Variants in GALNT8 observed in about 807,000 individuals in gnomAD.
GALNT8 encodes the protein probable polypeptide N-acetylgalactosaminyltransferase 8.
A neutral mutation model predicts 62.7 loss-of-function variants in GALNT8; 66 were observed. The observed-to-expected ratio is 1.05, with a 90% confidence interval of 0.86 to 1.29. The LOEUF is 1.29. Ranked by LOEUF, GALNT8 falls within the 50% of genes most tolerant of loss-of-function variation. The pLI is 0.00. For synonymous variants in GALNT8, 288 were observed against 294.3 expected (o/e 0.98, Z 0.22); for missense variants, 771 against 791.8 (o/e 0.97, Z 0.32).
At chr12:4,731,552 G>A (rs1439849123) in intron 2 of GALNT8, among the ~76,000 whole-genome samples, 2 of 152,100 alleles carry the variant, frequency 1.3e-5, no homozygotes, top group African/African-American at 2.4e-5. Context: ...GAGCATTCTT[G>A]TCTTGTTCCT....
rs1946314674 is a variant in GALNT8, at chr12:4,749,713, T to C, written c.1173+3455T>C. Among the ~76,000 whole-genome samples the C allele has an allele frequency of 6.6e-6, 1 of 152,124 alleles. No individual in the cohort carries two copies. Among genetic ancestry groups the C allele is most frequent in the South Asian group, 2.1e-4 (1 of 4,824 alleles). On this transcript the variant is annotated intron_variant, in intron 6 of 10. Coordinates refer to ENST00000252318, the MANE Select transcript of GALNT8 (RefSeq NM_017417.2). This position sits in a 1 kb window ranked among gnomAD's most constrained non-coding sequence, Gnocchi z 4.1. ...TTTGGAAATGTTCCCTCCTGTATTT[T>C]TTGGAAAAATTTAAGTAGGATTGGT... is the stretch of plus-strand genomic sequence containing the variant.
At chr12:4,721,562 A>G (rs1946169451) in intron 1 of GALNT8, among the ~76,000 whole-genome samples, 1 of 152,142 alleles carries the variant, frequency 6.6e-6, no homozygotes, top group South Asian at 2.1e-4. Context: ...ATACACATAA[A>G]CATCTCAATG....
rs1419098384 is a variant in GALNT8, at chr12:4,771,719, G to A, written c.1762-726G>A. On this transcript the variant is annotated intron_variant, in intron 10 of 10. Coordinates refer to ENST00000252318, the MANE Select transcript of GALNT8 (RefSeq NM_017417.2). Reference sequence around the variant, plus strand: ...TCATGTGAGTCCTGCAAAGGGTGGAGAGGGAACGTGGGAGAGAGAGGGCCG... The same window carrying A: ...TCATGTGAGTCCTGCAAAGGGTGGAAAGGGAACGTGGGAGAGAGAGGGCCG... Among the ~76,000 whole-genome samples, 19 of 152,284 alleles carry A rather than the reference G, an allele frequency of 1.2e-4. No homozygotes were observed. In the East Asian group the frequency reaches 3.7e-3, roughly 29 times the overall value.
chr12:4,736,860 A>G (rs1946247683), intron 2 of GALNT8, among the ~76,000 whole-genome samples: 1 of 152,166 alleles, frequency 6.6e-6, no homozygotes, highest in South Asian at 2.1e-4. Flanking sequence ...AAACAAAGCA[A>G]CAGACTTTAG....
At position 4,763,174 on chromosome 12, in the gene GALNT8, C is replaced by T. The variant is rs111564761; in HGVS notation, c.1360-79C>T. ...GACTCACATGCAGAAATATGGAGTC[C>T]TTCTCAGGCCATATTTAGTTCGCTT... On this transcript the variant is annotated intron_variant, in intron 7 of 10. Coordinates refer to ENST00000252318, the MANE Select transcript of GALNT8 (RefSeq NM_017417.2). The T allele has an allele frequency of 2.1e-3, 2,486 of 1,167,628 alleles. 38 individuals carry two copies. In the African/African-American group the frequency reaches 0.032, roughly 15 times the overall value. The allele number at this position is 1,167,628 out of a possible 1,614,324, so 72.3% of individuals were successfully genotyped here. A position where few individuals can be genotyped will look rare whatever the true frequency, so the allele number is the denominator to read the frequency against.
At chr12:4,747,994 G>C (rs1430730873) in intron 6 of GALNT8, among the ~76,000 whole-genome samples, 1 of 152,094 alleles carries the variant, frequency 6.6e-6, no homozygotes, top group African/African-American at 2.4e-5. Context: ...CTTTTCACAT[G>C]CCTCTTTGCC....
Position 4,761,043 on chromosome 12 carries a change from A to G in GALNT8, c.1259A>G (p.Asp420Gly). ...LERHHKPYAL[D>G]LTAALKRNAL... Reference sequence around the variant, plus strand: ...AGACACCACAAGCCCTACGCCTTGGATCTCACCGCTGCCTTGAAGCGCAAT... The same window carrying G: ...AGACACCACAAGCCCTACGCCTTGGGTCTCACCGCTGCCTTGAAGCGCAAT... Residue 420 changes from aspartate (D) to glycine (G), a missense_variant, in exon 7 of 11, where the codon GAT (aspartate) becomes GGT (glycine). By Grantham distance (94) the Asp-to-Gly change is moderately conservative (BLOSUM62 -1). Transcript: ENST00000252318. 3.1e-6 allele frequency: 5 copies of G among 1,613,964 alleles called. No homozygotes were observed. Among genetic ancestry groups the G allele is most frequent in the Non-Finnish European group, 4.2e-6 (5 of 1,179,960 alleles).
At chr12:4,736,464 A>G (rs1046089609) in intron 2 of GALNT8, among the ~76,000 whole-genome samples, 1 of 152,168 alleles carries the variant, frequency 6.6e-6, no homozygotes, top group Admixed American at 6.5e-5. Context: ...TGCAGCCTCC[A>G]TGCCACATAT....
rs568956924 is a variant in GALNT8, at chr12:4,749,906, G to A, written c.1173+3648G>A. On this transcript the variant is annotated intron_variant, in intron 6 of 10. Coordinates refer to ENST00000252318, the MANE Select transcript of GALNT8 (RefSeq NM_017417.2). This position sits in a 1 kb window ranked among gnomAD's most constrained non-coding sequence, Gnocchi z 4.1. Reference sequence around the variant, plus strand: ...TTCAATCTTGAACCAAGTTCAATGTGTCTAGGAATTTGTCCATTTCTTCTA... The same window carrying A: ...TTCAATCTTGAACCAAGTTCAATGTATCTAGGAATTTGTCCATTTCTTCTA... Among the ~76,000 whole-genome samples the A allele has an allele frequency of 1.3e-5, 2 of 152,164 alleles. No individual in the cohort carries two copies. The highest frequency in any genetic ancestry group is 3.4e-3 in the Middle Eastern group (1 of 294).
rs1015419258 is a variant in GALNT8 at position 4,765,376 on chromosome 12, T to A, written c.1594-3T>A. The A allele has an allele frequency of 4.6e-4, 498 of 1,077,134 alleles. 2 individuals are homozygous for A. The African/African-American group carries it at 9.4e-3, about 20-fold the overall frequency. 66.7% of individuals were successfully genotyped at this position (1,077,134 alleles called of 1,614,324 possible). A position where few individuals can be genotyped will look rare whatever the true frequency, so the allele number is the denominator to read the frequency against. ...GCTTTTTTTTTTTTTTTTTTTTTTT[T>A]AGAATGTCTACTATCACCTAACTGG... On this transcript the variant is annotated splice_region_variant and splice_polypyrimidine_tract_variant and intron_variant, in intron 9 of 10. Coordinates refer to ENST00000252318, the MANE Select transcript of GALNT8 (RefSeq NM_017417.2).
rs546330132 is a variant in GALNT8, at chr12:4,721,286, G to C, written c.211+398G>C. 1.7e-3 allele frequency among the ~76,000 whole-genome samples: 253 copies of C among 152,256 alleles called. 1 individual carries two copies. Among genetic ancestry groups the C allele is most frequent in the African/African-American group, 5.4e-3 (226 of 41,544 alleles). ...GGGTGTTTCTCGTTAGGTGGAACGA[G>C]AGACTTTGGAAGAGAAAAAGACACA... On this transcript the variant is annotated intron_variant, in intron 1 of 10. Coordinates refer to ENST00000252318, the MANE Select transcript of GALNT8 (RefSeq NM_017417.2).
chr12:4,765,411 T>G lies in GALNT8; in HGVS notation c.1626T>G (p.Tyr542Ter). 6.3e-7 allele frequency: 1 copy of G among 1,599,634 alleles called. No individual in the cohort carries two copies. The highest frequency in any genetic ancestry group is 1.4e-5 in the African/African-American group (1 of 73,574). ...NVYYHLTGEL[Y>*]VGQLIAEASA... ...ACTATCACCTAACTGGGGAGCTCTA[T>G]GTGGGACAACTGATTGCAGAGGCCA... Residue 542 changes from tyrosine (Y) to a stop codon, truncating the protein, a stop_gained, in exon 10 of 11, where the codon TAT becomes TAG. Transcript: ENST00000252318. LOFTEE classifies it high-confidence loss of function.
intron 9 of GALNT8, among the ~76,000 whole-genome samples, 172 bp downstream of exon 9, chr12:4,764,219 T>C (rs182766565): frequency 2.0e-5 from 3 of 152,354 alleles, no homozygotes; most frequent in African/African-American, 7.2e-5. Context: ...TCTTAGTTTC[T>C]TCAGAAAGCC....
At chr12:4,740,724 A>G (rs150195476) in intron 3 of GALNT8, among the ~76,000 whole-genome samples, 240 of 152,272 alleles carry the variant, frequency 1.6e-3, no homozygotes, top group African/African-American at 5.3e-3. Flanking sequence ...GTGCCCAGCC[A>G]TGTTAACTAT....
At chr12:4,730,271 T>C (rs183253798) in intron 2 of GALNT8, among the ~76,000 whole-genome samples, 37 of 152,170 alleles carry the variant, frequency 2.4e-4, no homozygotes, top group Admixed American at 2.4e-3. Flanking sequence ...TGGGGTCTTA[T>C]CCAAAAAGTC....
chr12:4,765,628 C>A, intron 10 of GALNT8, 82 bp downstream of exon 10: 2 of 1,101,222 alleles, frequency 1.8e-6, no homozygotes, highest in Non-Finnish European at 2.6e-6. Context: ...GCAGCCCAGG[C>A]TAGAGTGCAG....
In GALNT8 at chr12:4,726,460, G is replaced by T; in HGVS notation, c.212-72G>T. ...TAAACCGTTAGAGGAAATTAGGATG[G>T]AAAGGAATACCCAGGTAACTAAGGA... On this transcript the variant is annotated intron_variant, in intron 1 of 10. Transcript: ENST00000252318. This position sits in a 1 kb window ranked among gnomAD's most constrained non-coding sequence, Gnocchi z 4.1. The T allele has an allele frequency of 9.6e-7, 1 of 1,040,146 alleles. No homozygotes were observed. The allele number at this position is 1,040,146 out of a possible 1,614,324, so 64.4% of individuals were successfully genotyped here.
At chr12:4,763,623 TC>T (rs528801616) in intron 8 of GALNT8, among the ~76,000 whole-genome samples, 1 of 144,132 alleles carries the variant, frequency 6.9e-6, no homozygotes, top group Non-Finnish European at 1.5e-5. Context: ...TTGCCTGGAC[TC>T]CCCCCCGCCC....
intron 3 of GALNT8, among the ~76,000 whole-genome samples, chr12:4,743,505 A>C (rs1341972186): frequency 6.6e-6 from 1 of 152,176 alleles, no homozygotes; most frequent in Non-Finnish European, 1.5e-5. Context: ...TCGTCTTTTG[A>C]GAGAGGAACT....
Sources: allele counts gnomAD v4.1 joint callset (sites outside exome capture counted in the v4.1 genomes callset), GRCh38; gene constraint gnomAD v4.1.1; non-coding constraint Gnocchi (gnomAD v3.1); transcripts MANE v1.5; gene names NCBI Gene and HGNC (gene_info 2026-07-23, HGNC 2026-07-21).